Variants in SCUBE1 observed in about 807,000 individuals in gnomAD.
SCUBE1 encodes the protein signal peptide, CUB domain and EGF like domain containing 1, also known as signal peptide, CUB and EGF-like domain-containing protein 1.
Under a neutral mutation model 124.4 loss-of-function variants are expected in SCUBE1, and 59 were observed. The ratio of observed to expected loss-of-function variants is 0.47; its 90% CI spans 0.38 to 0.59. The LOEUF (loss-of-function observed/expected upper bound fraction) is 0.59. SCUBE1 is among the 20% of genes least tolerant of loss of function. The pLI, the probability that SCUBE1 is intolerant of heterozygous loss-of-function variation, is 0.00. For missense variants in SCUBE1, 1,150 were observed against 1,371.2 expected (o/e 0.84, Z 2.55); for synonymous variants, 545 against 550.9 (o/e 0.99, Z 0.15).
chr22:43,257,383 C>G (rs1446640813), intron 6 of SCUBE1, among the ~76,000 whole-genome samples: 3 of 152,176 alleles, frequency 2.0e-5, no homozygotes, highest in Non-Finnish European at 4.4e-5. Flanking sequence ...ACTCCGGCAC[C>G]AACTTTGAAA....
chr22:43,223,409 C>T (rs1255382458), intron 10 of SCUBE1, among the ~76,000 whole-genome samples, 193 bp from the exon 11 acceptor site: 1 of 152,182 alleles, frequency 6.6e-6, no homozygotes. Flanking sequence ...AGACAGCTGG[C>T]TTAGTCCCTC....
chr22:43,213,016 G>T, intron 16 of SCUBE1: 1 of 225,980 alleles, frequency 4.4e-6, no homozygotes, highest in Non-Finnish European at 8.7e-6. Context: ...TGGTCTACCA[G>T]CAGGGCCAGG....
Position 43,291,097 on chromosome 22 carries a change from T to G in SCUBE1, c.433A>C (p.Ser145Arg). ...AMGSYECQCH[S>R]GFFLSDNQHT... The stretch of plus-strand genomic sequence containing the variant: ...TGGTTGTCACTAAGGAAGAAGCCAC[T>G]GTGGCACTGACACTCGTAGCTGCCC... Residue 145 changes from serine (S) to arginine (R), a missense_variant, in exon 4 of 22, where the codon AGT becomes CGT. By Grantham distance (110) the Ser-to-Arg change is moderately radical. This residue lies in a region of SCUBE1 where 337 missense variants were observed against 482.1 expected (regional missense o/e 0.70). Transcript: ENST00000360835. 1 of 1,613,748 alleles carries G rather than the reference T, an allele frequency of 6.2e-7. No individual in the cohort carries two copies. Among genetic ancestry groups the G allele is most frequent in the Non-Finnish European group, 8.5e-7 (1 of 1,179,796 alleles).
At chr22:43,319,229 C>G (rs1433753190) in intron 3 of SCUBE1, among the ~76,000 whole-genome samples, 2 of 152,204 alleles carry the variant, frequency 1.3e-5, no homozygotes, top group East Asian at 3.9e-4. Context: ...GTGGGCCCTA[C>G]TCCAATATGA....
intron 16 of SCUBE1, chr22:43,213,050 G>A (rs1242704682): frequency 1.1e-5 from 2 of 186,696 alleles, no homozygotes; most frequent in Non-Finnish European, 2.2e-5. Context: ...AGGCGGGTCT[G>A]GGGAGGGTTT....
At chr22:43,300,383 T>C (rs1441141318) in intron 3 of SCUBE1, among the ~76,000 whole-genome samples, 1 of 151,918 alleles carries the variant, frequency 6.6e-6, no homozygotes, top group Non-Finnish European at 1.5e-5. Flanking sequence ...TGACTAATGA[T>C]GTTGAACAGC....
chr22:43,322,184 C>T (rs1420631740), intron 2 of SCUBE1, among the ~76,000 whole-genome samples: 1 of 152,222 alleles, frequency 6.6e-6, no homozygotes, highest in East Asian at 1.9e-4. Flanking sequence ...GGGGTTTCAC[C>T]ATGTTAGCCA....
At chr22:43,208,360 T>C in intron 19 of SCUBE1, 136 bp from the exon 20 acceptor site, 2 of 780,188 alleles carry the variant, frequency 2.6e-6, no homozygotes, top group Admixed American at 4.6e-5. Context: ...GCTTAGTCTT[T>C]GTGCTTGCTC....
chr22:43,207,732 C>T, intron 20 of SCUBE1, 119 bp from the exon 21 acceptor site: 1 of 788,082 alleles, frequency 1.3e-6, no homozygotes. Flanking sequence ...TGGGCTATGG[C>T]TGGCCGCAGC....
intron 6 of SCUBE1, among the ~76,000 whole-genome samples, chr22:43,252,192 C>A (rs1156535611): frequency 6.6e-6 from 1 of 152,232 alleles, no homozygotes; most frequent in Non-Finnish European, 1.5e-5. Flanking sequence ...GCCGAGAACC[C>A]AGTGGCCCAG....
intron 5 of SCUBE1, among the ~76,000 whole-genome samples, chr22:43,262,037 C>G (rs147441484): frequency 6.6e-6 from 1 of 152,236 alleles, no homozygotes; most frequent in Non-Finnish European, 1.5e-5. Flanking sequence ...ACACGTGGGC[C>G]CCGTAGGCAG....
intron 4 of SCUBE1, among the ~76,000 whole-genome samples, chr22:43,273,720 G>A (rs1434394628): frequency 6.6e-6 from 1 of 151,684 alleles, no homozygotes; most frequent in Non-Finnish European, 1.5e-5. Context: ...CTACAGGTGT[G>A]CGCTACCACA....
In SCUBE1 at chr22:43,200,698, T is replaced by C. The variant is rs1161676567; in HGVS notation, c.*3299A>G. 1 of 152,262 alleles carries C rather than the reference T, an allele frequency of 6.6e-6. No homozygotes were observed. Among genetic ancestry groups the C allele is most frequent in the African/African-American group, 2.4e-5 (1 of 41,454 alleles). The allele number at this position is 152,262 out of a possible 1,614,324, so 9.4% of individuals were successfully genotyped here. A position where few individuals can be genotyped will look rare whatever the true frequency, so the allele number is the denominator to read the frequency against. ...CCTGGAATTCAAGTCACTCAGATGG[T>C]GTGGGAGGCCCAGTGGGGCTGCTGG... On this transcript the variant is annotated 3_prime_UTR_variant, in exon 22 of 22. Coordinates refer to ENST00000360835, the MANE Select transcript of SCUBE1 (RefSeq NM_173050.5).
At position 43,281,483 on chromosome 22, in the gene SCUBE1, T is replaced by C. The variant is rs1341650023; in HGVS notation, c.484+9563A>G. Among the ~76,000 whole-genome samples the C allele has an allele frequency of 6.8e-5, 4 of 58,872 alleles. 1 individual carries two copies. The highest frequency in any genetic ancestry group is 1.6e-4 in the Admixed American group (1 of 6,198). 38.6% of individuals were successfully genotyped at this position (58,872 alleles called of 152,430 possible). ...CTCAGCCACCCTCCTGTCACCTCCC[T>C]CTTTGGCCACCCTCCTGTCACCTCC... On this transcript the variant is annotated intron_variant, in intron 4 of 21. Transcript: ENST00000360835.
At chr22:43,266,006 CAGA>C (rs1924049267) in intron 4 of SCUBE1, among the ~76,000 whole-genome samples, 2 of 152,000 alleles carry the variant, frequency 1.3e-5, no homozygotes, top group Non-Finnish European at 2.9e-5. Flanking sequence ...GAGGCTGAGG[CAGA>C]AGAATTGCTT....
At chr22:43,296,493 C>G (rs1925564070) in intron 3 of SCUBE1, among the ~76,000 whole-genome samples, 1 of 152,218 alleles carries the variant, frequency 6.6e-6, no homozygotes, top group Non-Finnish European at 1.5e-5. Context: ...CTCAGCACAG[C>G]ACAGGGACTT....
intron 3 of SCUBE1, among the ~76,000 whole-genome samples, chr22:43,309,961 A>G (rs1285435136): frequency 6.6e-6 from 1 of 152,190 alleles, no homozygotes. Context: ...TCCCTGCTTA[A>G]GCCACTCTGC....
rs1260064495 is a variant in SCUBE1, at chr22:43,210,778, A to G, written c.2383+144T>C. 2.0e-6 allele frequency: 2 copies of G among 989,828 alleles called. No individual in the cohort carries two copies. The highest frequency in any genetic ancestry group is 1.5e-6 in the Non-Finnish European group (1 of 665,008). The allele number at this position is 989,828 out of a possible 1,614,324, so 61.3% of individuals were successfully genotyped here. Reference sequence around the variant, plus strand: ...TGCCACAGGCCTCCAGATGGATGCAATGCACCCGAGAGCAGACGGGACGGA... The same window carrying G: ...TGCCACAGGCCTCCAGATGGATGCAGTGCACCCGAGAGCAGACGGGACGGA... On this transcript the variant is annotated intron_variant, in intron 18 of 21. Transcript: ENST00000360835. The surrounding 1 kb of genome is among the most constrained non-coding windows in gnomAD (Gnocchi z 4.5).
At chr22:43,226,557 T>C (rs1922314462) in intron 10 of SCUBE1, among the ~76,000 whole-genome samples, 1 of 146,736 alleles carries the variant, frequency 6.8e-6, no homozygotes, top group Non-Finnish European at 1.5e-5. Context: ...GGCGGCAGCC[T>C]TCGGGCCATT....
Sources: gnomAD v4.1 joint callset for allele counts (sites outside exome capture counted in the v4.1 genomes callset) on GRCh38, gnomAD v4.1.1 for gene constraint, gnomAD v4.1.1 regional missense constraint, Gnocchi (gnomAD v3.1) non-coding constraint, MANE v1.5 for transcripts, NCBI Gene and HGNC (gene_info 2026-07-23, HGNC 2026-07-21) for gene names.